The following RIPOR2 variants were observed in gnomAD, a reference collection of about 807,000 sequenced individuals.
RIPOR2 encodes the protein RHO family interacting cell polarization regulator 2.
RIPOR2 carries 39 observed loss-of-function variants against 114.5 expected under a neutral mutation model. That is an observed-to-expected ratio of 0.34 (90% CI 0.26 to 0.44). The LOEUF (loss-of-function observed/expected upper bound fraction) is 0.44. Among genes scored for constraint, RIPOR2 ranks in the 20% least tolerant of loss-of-function variants. RIPOR2 has a pLI of 1.00. For synonymous variants in RIPOR2, 445 were observed against 484.4 expected (o/e 0.92, Z 1.07); for missense variants, 1,007 against 1,255.1 (o/e 0.80, Z 2.99).
intron 1 of RIPOR2, chr6:24,931,808 C>A (rs746937155): frequency 6.6e-6 from 1 of 152,088 alleles, no homozygotes; most frequent in African/African-American, 2.4e-5. Context: ...AAAATGGAGG[C>A]GGGGCGGGTT....
intron 1 of RIPOR2, among the ~76,000 whole-genome samples, chr6:25,001,776 T>G (rs1287816506): frequency 6.8e-6 from 1 of 147,960 alleles, no homozygotes; most frequent in Non-Finnish European, 1.5e-5. Flanking sequence ...CTTGGCTCAC[T>G]GCAACCTCCG....
At chr6:24,897,962 T>C (rs1005486558) in intron 1 of RIPOR2, among the ~76,000 whole-genome samples, 2 of 151,474 alleles carry the variant, frequency 1.3e-5, no homozygotes, top group Non-Finnish European at 2.9e-5. Context: ...AGGCGGAGGT[T>C]GCAGAGAGCA....
intron 1 of RIPOR2, among the ~76,000 whole-genome samples, chr6:24,942,105 T>A (rs568297152): frequency 2.2e-4 from 34 of 152,294 alleles, no homozygotes; most frequent in Admixed American, 1.2e-3. Flanking sequence ...CTAAATCTTA[T>A]AATGAAAGAT....
At chr6:24,956,003 CTG>C (rs1773025996) in intron 1 of RIPOR2, among the ~76,000 whole-genome samples, 1 of 77,834 alleles carries the variant, frequency 1.3e-5, no homozygotes, top group Admixed American at 1.2e-4. Context: ...GAGTGAGACT[CTG>C]TCTCAAAAAA....
chr6:24,832,358 C>A lies in RIPOR2; in HGVS notation c.2242G>T (p.Ala748Ser). Residue 748 changes from alanine (A) to serine (S), a missense_variant, in exon 16 of 22, where the codon GCA becomes TCA. Physicochemically the swap from Ala to Ser is moderately conservative, Grantham distance 99. Coordinates refer to ENST00000643898, the MANE Select transcript of RIPOR2 (RefSeq NM_001286445.3). ...GAAAGCTTCTCTAAGAGACTTCTTG[C>A]CACAAATGGGGTTTTGCTTGAGAAA... ...IVFSSKTPFV[A>S]RSLLEKLSRQ... The A allele has an allele frequency of 2.6e-6, 4 of 1,552,068 alleles. No individual in the cohort carries two copies. The highest frequency in any genetic ancestry group is 3.5e-6 in the Non-Finnish European group (4 of 1,147,010).
At chr6:24,966,262 A>T (rs2114229966) in intron 1 of RIPOR2, among the ~76,000 whole-genome samples, 1 of 152,304 alleles carries the variant, frequency 6.6e-6, no homozygotes, top group South Asian at 2.1e-4. Context: ...ACAGATTACC[A>T]TCAAGCTCTC....
chr6:24,870,975 C>T lies in RIPOR2; in HGVS notation c.424-86G>A, dbSNP rs372184034. On this transcript the variant is annotated intron_variant, in intron 4 of 21. Transcript: ENST00000643898. The stretch of plus-strand genomic sequence containing the variant: ...AACAGAATGATTTAGCCCACATTTG[C>T]ACATTATCTGTGGAAATAATGATCA... 3.0e-4 allele frequency: 234 copies of T among 769,804 alleles called. 2 individuals are homozygous for T. Among genetic ancestry groups the T allele is most frequent in the Non-Finnish European group, 3.2e-4 (159 of 495,932 alleles). The allele number at this position is 769,804 out of a possible 1,614,324, so 47.7% of individuals were successfully genotyped here.
intron 1 of RIPOR2, among the ~76,000 whole-genome samples, chr6:24,884,791 A>G (rs1766670178): frequency 6.6e-6 from 1 of 152,246 alleles, no homozygotes; most frequent in Non-Finnish European, 1.5e-5. Context: ...GGACATGTAG[A>G]CTGACTTTCC....
chr6:25,004,815 G>T (rs1208716143), intron 1 of RIPOR2, among the ~76,000 whole-genome samples: 1 of 151,956 alleles, frequency 6.6e-6, no homozygotes. Context: ...GCATGCGCAC[G>T]TGTGTGCATG....
At chr6:24,995,605 T>C (rs1267332867) in intron 1 of RIPOR2, among the ~76,000 whole-genome samples, 1 of 152,164 alleles carries the variant, frequency 6.6e-6, no homozygotes, top group Non-Finnish European at 1.5e-5. Context: ...CTCGCACAAC[T>C]CCACAAAGCT....
At chr6:24,904,406 C>A (rs900831384) in intron 1 of RIPOR2, among the ~76,000 whole-genome samples, 5 of 152,188 alleles carry the variant, frequency 3.3e-5, no homozygotes, top group African/African-American at 1.2e-4. Context: ...ATCTTTCTTC[C>A]ATAGTCACAT....
chr6:24,842,617 G>A (rs778963836), intron 13 of RIPOR2, among the ~76,000 whole-genome samples: 2 of 152,148 alleles, frequency 1.3e-5, no homozygotes, highest in African/African-American at 4.8e-5. Context: ...GGGACTGGGG[G>A]AATTTCAACA....
chr6:24,945,895 C>T (rs940272177), intron 1 of RIPOR2, among the ~76,000 whole-genome samples: 5 of 151,910 alleles, frequency 3.3e-5, no homozygotes, highest in African/African-American at 1.2e-4. Context: ...AGTGCTTACA[C>T]CTATATAAAT....
chr6:24,833,848 C>CTG (rs1581525396), intron 15 of RIPOR2, among the ~76,000 whole-genome samples: 1 of 152,218 alleles, frequency 6.6e-6, no homozygotes, highest in East Asian at 1.9e-4. Flanking sequence ...GAGAGAAACA[C>CTG]TGCATTGACT....
chr6:24,995,961 C>T (rs1374237577), intron 1 of RIPOR2, among the ~76,000 whole-genome samples: 1 of 152,088 alleles, frequency 6.6e-6, no homozygotes, highest in Non-Finnish European at 1.5e-5. Flanking sequence ...CACCACCACA[C>T]CCGGCTAATT....
At chr6:24,831,110 G>A (rs901586182) in intron 16 of RIPOR2, among the ~76,000 whole-genome samples, 3 of 152,138 alleles carry the variant, frequency 2.0e-5, no homozygotes, top group Admixed American at 6.5e-5. Context: ...TAAGACTGTG[G>A]TTAGTTTTCA....
At position 24,925,429 on chromosome 6, in the gene RIPOR2, C is replaced by T. The variant is rs149143272; in HGVS notation, c.61+10409G>A. Among the ~76,000 whole-genome samples the T allele has an allele frequency of 1.1e-4, 17 of 152,202 alleles. No homozygotes were observed. The East Asian group carries it at 1.9e-3, about 17-fold the overall frequency. ...GTAGAGAATTTAGGTTCAGGCTGGG[C>T]GCGGTGGGTCATGCCTGTAATCCCA... On this transcript the variant is annotated intron_variant, in intron 1 of 21. Coordinates refer to ENST00000643898, the MANE Select transcript of RIPOR2 (RefSeq NM_001286445.3).
intron 1 of RIPOR2, among the ~76,000 whole-genome samples, chr6:24,955,643 T>A (rs1772997315): frequency 6.7e-6 from 1 of 150,076 alleles, no homozygotes; most frequent in Non-Finnish European, 1.5e-5. Context: ...TTTCTTCCCC[T>A]CTGTTATAGT....
At chr6:24,894,668 G>A (rs1336711395) in intron 1 of RIPOR2, among the ~76,000 whole-genome samples, 4 of 152,052 alleles carry the variant, frequency 2.6e-5, no homozygotes, top group South Asian at 2.1e-4. Context: ...CCTGTTCCCC[G>A]TCCCCAGGCG....
Sources: allele counts gnomAD v4.1 joint callset (sites outside exome capture counted in the v4.1 genomes callset), GRCh38; gene constraint gnomAD v4.1.1; transcripts MANE v1.5; gene names NCBI Gene and HGNC (gene_info 2026-07-23, HGNC 2026-07-21).